The following DENND4C variants were observed in gnomAD, a reference collection of about 807,000 sequenced individuals.
DENND4C encodes the protein DENN domain containing 4C.
DENND4C carries 108 observed loss-of-function variants against 203.0 expected under a neutral mutation model. That is an observed-to-expected ratio of 0.53 (90% CI 0.46 to 0.62). The LOEUF (loss-of-function observed/expected upper bound fraction) is 0.62. Ranked by LOEUF, DENND4C falls within the 20% of genes least tolerant of loss-of-function variation. The pLI is 0.00. For synonymous variants in DENND4C, 871 were observed against 792.4 expected, an observed-to-expected ratio of 1.10 and a Z score of -1.67; for missense variants, 2,481 against 2,301.2, an observed-to-expected ratio of 1.08 and a Z score of -1.60.
intron 4 of DENND4C, among the ~76,000 whole-genome samples, chr9:19,289,966 A>G (rs959844557): frequency 9.2e-5 from 14 of 152,326 alleles, no homozygotes; most frequent in African/African-American, 3.4e-4. Context: ...AAACTGTACC[A>G]AAGTATTCAG....
intron 10 of DENND4C, among the ~76,000 whole-genome samples, chr9:19,313,952 T>C (rs1841243189): frequency 6.6e-6 from 1 of 152,150 alleles, no homozygotes; most frequent in Non-Finnish European, 1.5e-5. Context: ...TATGGTGGCA[T>C]GTGCCTCTAA....
At chr9:19,253,727 A>G (rs1281319807) in intron 1 of DENND4C, among the ~76,000 whole-genome samples, 2 of 152,100 alleles carry the variant, frequency 1.3e-5, no homozygotes, top group East Asian at 1.9e-4. Flanking sequence ...AGTTTTTTTT[A>G]TCTTTTTTTT....
intron 1 of DENND4C, among the ~76,000 whole-genome samples, chr9:19,248,586 C>G (rs1192090769): frequency 6.6e-6 from 1 of 151,944 alleles, no homozygotes; most frequent in East Asian, 1.9e-4. Flanking sequence ...GATGGGGTTT[C>G]TCCATATTGG....
chr9:19,332,517 ATTTTTTTTT>A (rs11310338), intron 17 of DENND4C, among the ~76,000 whole-genome samples: 1 of 130,208 alleles, frequency 7.7e-6, no homozygotes, highest in Non-Finnish European at 1.6e-5. Flanking sequence ...TACCTGGCTA[ATTTTTTTTT>A]TTTTTTTTTT....
At position 19,328,075 on chromosome 9, in the gene DENND4C, G is replaced by T; in HGVS notation, c.2166G>T (p.Pro722=). The T allele has an allele frequency of 6.2e-7, 1 of 1,612,660 alleles. No individual in the cohort carries two copies. The highest frequency in any genetic ancestry group is 8.5e-7 in the Non-Finnish European group (1 of 1,179,446). Residue 722 remains proline, a synonymous_variant, in exon 16 of 33, where the codon CCG becomes CCT. Transcript: ENST00000434457. ...PRLDLKLFDR[P]QELKLCFSRH... Reference sequence around the variant, plus strand: ...TGGACCTTAAGCTTTTTGACAGACCGCAGGAGTTGAAACTTTGTTTTAGTA... The same window carrying T: ...TGGACCTTAAGCTTTTTGACAGACCTCAGGAGTTGAAACTTTGTTTTAGTA...
At chr9:19,323,473 C>T (rs1843228356) in intron 12 of DENND4C, among the ~76,000 whole-genome samples, 1 of 150,658 alleles carries the variant, frequency 6.6e-6, no homozygotes, top group African/African-American at 2.4e-5. Flanking sequence ...AAAGTGTTTT[C>T]ATGGTTTGTG....
intron 6 of DENND4C, among the ~76,000 whole-genome samples, chr9:19,297,795 A>G (rs1170687214): frequency 1.3e-5 from 2 of 152,110 alleles, no homozygotes; most frequent in Non-Finnish European, 2.9e-5. Flanking sequence ...CATGAAAACT[A>G]TTTTTATGTT....
Position 19,346,196 on chromosome 9 carries a change from A to G in DENND4C, c.3427A>G (p.Ile1143Val). The change falls in exon 23 of 33, where the codon ATT (isoleucine) becomes GTT (valine). Residue 1143 changes from isoleucine (I) to valine (V), a missense_variant. Coordinates refer to ENST00000434457, the MANE Select transcript of DENND4C (RefSeq NM_001330640.2). The stretch of plus-strand genomic sequence containing the variant: ...ATGTCCTAAGACTTCTCTACTTCAT[A>G]TTGCAAGAACCCATAGCTTTGAGAA... ...LTCPKTSLLH[I>V]ARTHSFENVS... The G allele has an allele frequency of 6.2e-7, 1 of 1,614,178 alleles. No individual in the cohort carries two copies. The highest frequency in any genetic ancestry group is 8.5e-7 in the Non-Finnish European group (1 of 1,180,034).
intron 18 of DENND4C, 31 bp from the exon 19 acceptor site, chr9:19,336,239 A>G: frequency 6.3e-7 from 1 of 1,597,866 alleles, no homozygotes; most frequent in Non-Finnish European, 8.5e-7. Flanking sequence ...ATTGCTAATG[A>G]ACATTATTTT....
chr9:19,235,216 C>T (rs1285591284), intron 1 of DENND4C, among the ~76,000 whole-genome samples: 4 of 152,108 alleles, frequency 2.6e-5, no homozygotes, highest in Non-Finnish European at 5.9e-5. Context: ...CCATCCGCCT[C>T]GGCCTCCCAA....
At chr9:19,344,461 A>G (rs999333908) in intron 22 of DENND4C, among the ~76,000 whole-genome samples, 8 of 152,022 alleles carry the variant, frequency 5.3e-5, no homozygotes, top group African/African-American at 1.7e-4. Flanking sequence ...GCACCACTGT[A>G]CTCTCCACCC....
chr9:19,273,322 G>A (rs965146596), intron 1 of DENND4C, among the ~76,000 whole-genome samples: 1 of 151,892 alleles, frequency 6.6e-6, no homozygotes, highest in Non-Finnish European at 1.5e-5. Context: ...CTGACCTCAG[G>A]TGATCCACCC....
At chr9:19,341,498 C>G (rs1365974433) in intron 21 of DENND4C, among the ~76,000 whole-genome samples, 1 of 151,654 alleles carries the variant, frequency 6.6e-6, no homozygotes, top group Non-Finnish European at 1.5e-5. Flanking sequence ...TTTGTAGAGA[C>G]AAGGTCTCAC....
At chr9:19,290,555 C>G in intron 4 of DENND4C, 149 bp from the exon 5 acceptor site, 3 of 506,054 alleles carry the variant, frequency 5.9e-6, no homozygotes, top group Non-Finnish European at 6.4e-6. Flanking sequence ...ATTTTAGTTT[C>G]TGTTATAGCA....
chr9:19,275,443 A>G (rs1832706915), intron 1 of DENND4C, among the ~76,000 whole-genome samples: 1 of 150,750 alleles, frequency 6.6e-6, no homozygotes, highest in South Asian at 2.1e-4. Flanking sequence ...ACAGGCGCAC[A>G]CCACCACGCC....
intron 25 of DENND4C, 123 bp downstream of exon 25, chr9:19,352,305 A>C: frequency 9.4e-7 from 1 of 1,067,568 alleles, no homozygotes; most frequent in African/African-American, 1.6e-5. Flanking sequence ...CATTTTGTTG[A>C]ATTTGCTTGA....
At chr9:19,369,766 C>CAAAA (rs151013945) in intron 30 of DENND4C, 71 bp from the exon 31 acceptor site, 14 of 679,134 alleles carry the variant, frequency 2.1e-5, no homozygotes, top group Admixed American at 1.7e-4. Flanking sequence ...GATGTTGTCT[C>CAAAA]AAAAAAAAAA....
intron 17 of DENND4C, 113 bp from the exon 18 acceptor site, chr9:19,334,864 A>G: frequency 8.9e-7 from 1 of 1,125,206 alleles, no homozygotes; most frequent in Non-Finnish European, 1.2e-6. Flanking sequence ...TCAAAGCAGA[A>G]CAAAGGAGAA....
rs759430665 is a variant in DENND4C at position 19,290,802 on chromosome 9, T to G, written c.727T>G (p.Cys243Gly). Residue 243 changes from cysteine (C) to glycine (G), a missense_variant, in exon 5 of 33, where the codon TGC becomes GGC. This residue lies in a region of DENND4C where 2,289 missense variants were observed against 2,113.3 expected (regional missense o/e 1.08). Transcript: ENST00000434457. ...FCLPMGATIE[C>G]WDPETKYPLP... ...CCTTCCTATGGGAGCTACTATTGAG[T>G]GCTGGGATCCTGAAACCAAATATCC... 5.6e-6 allele frequency: 9 copies of G among 1,613,402 alleles called. No homozygotes were observed. Among genetic ancestry groups the G allele is most frequent in the Non-Finnish European group, 6.8e-6 (8 of 1,179,624 alleles).
Sources: allele counts gnomAD v4.1 joint callset (sites outside exome capture counted in the v4.1 genomes callset), GRCh38; gene constraint gnomAD v4.1.1; regional missense constraint gnomAD v4.1.1; transcripts MANE v1.5; gene names NCBI Gene and HGNC (gene_info 2026-07-23, HGNC 2026-07-21).